RBFOX3: variants seen among roughly 807,000 people sequenced by gnomAD.
RBFOX3 encodes RNA binding fox-1 homolog 3.
Under a neutral mutation model 48.7 loss-of-function variants are expected in RBFOX3, and 17 were observed. The ratio of observed to expected loss-of-function variants is 0.35; its 90% CI spans 0.24 to 0.52. RBFOX3 has a LOEUF of 0.52. Ranked by LOEUF, RBFOX3 falls within the 20% of genes least tolerant of loss-of-function variation. The pLI is 0.94. For synonymous variants in RBFOX3, 212 were observed against 209.5 expected (o/e 1.01, Z -0.10); for missense variants, 382 against 497.5 (o/e 0.77, Z 2.21).
chr17:79,568,812 T>TCAC (rs1243754213), intron 1 of RBFOX3, among the ~76,000 whole-genome samples: 2 of 152,108 alleles, frequency 1.3e-5, no homozygotes, highest in Non-Finnish European at 2.9e-5. Context: ...TGTGTCCCAC[T>TCAC]CACCACCACC....
At chr17:79,616,555 A>G in the RBFOX3 span, among the ~76,000 whole-genome samples, 1 of 137,124 alleles carries the variant, frequency 7.3e-6, no homozygotes, top group Non-Finnish European at 1.6e-5. Context: ...AAAAAAAAGA[A>G]TGGATCTCTC....
rs1449396276 is a variant in RBFOX3 at position 79,471,760 on chromosome 17, C to T, written c.-175+10694G>A. On this transcript the variant is annotated intron_variant, in intron 2 of 14. Coordinates refer to ENST00000693108, the MANE Select transcript of RBFOX3 (RefSeq NM_001350451.2). This position sits in a 1 kb window ranked among gnomAD's most constrained non-coding sequence, Gnocchi z 4.0. The stretch of plus-strand genomic sequence containing the variant: ...AGGGCGTGTGCAGAGCCTGGGTGGA[C>T]GCAGGCAGGTTAGCTATCCCAGCCC... 3.3e-5 allele frequency among the ~76,000 whole-genome samples: 5 copies of T among 152,264 alleles called. No individual in the cohort carries two copies. Among genetic ancestry groups the T allele is most frequent in the East Asian group, 3.9e-4 (2 of 5,180 alleles).
Position 79,103,020 on chromosome 17 carries a change from G to T in RBFOX3, c.507+142C>A. On this transcript the variant is annotated intron_variant, in intron 8 of 14. Coordinates refer to ENST00000693108, the MANE Select transcript of RBFOX3 (RefSeq NM_001350451.2). This position sits in a 1 kb window ranked among gnomAD's most constrained non-coding sequence, Gnocchi z 6.1. ...CCGGCAGCTGAGCACCCTGGCCTTA[G>T]TGCGACCCTTCCTCCCACCCCAGGG... 1 of 653,938 alleles carries T rather than the reference G, an allele frequency of 1.5e-6. No homozygotes were observed. The allele number at this position is 653,938 out of a possible 1,614,324, so 40.5% of individuals were successfully genotyped here. A position where few individuals can be genotyped will look rare whatever the true frequency, so the allele number is the denominator to read the frequency against.
Position 79,286,792 on chromosome 17 carries a change from T to C in RBFOX3, c.-74+20932A>G, listed in dbSNP as rs142673976. 6.2e-3 allele frequency among the ~76,000 whole-genome samples: 938 copies of C among 152,246 alleles called. 6 individuals carry two copies. The highest frequency in any genetic ancestry group is 0.021 in the African/African-American group (881 of 41,540). Reference sequence around the variant, plus strand: ...AAGCTGGAGAGGGAGGTCCCACCCATAGACCTGCTCACTGAGGGAAGACGG... The same window carrying C: ...AAGCTGGAGAGGGAGGTCCCACCCACAGACCTGCTCACTGAGGGAAGACGG... On this transcript the variant is annotated intron_variant, in intron 3 of 14. Transcript: ENST00000693108.
intron 2 of RBFOX3, among the ~76,000 whole-genome samples, chr17:79,393,795 A>C (rs1256371063): frequency 6.7e-6 from 1 of 148,980 alleles, no homozygotes; most frequent in African/African-American, 2.5e-5. Context: ...GGTCATCATC[A>C]TGCACATCAT....
At chr17:79,225,687 C>T (rs1188776332) in intron 4 of RBFOX3, among the ~76,000 whole-genome samples, 1 of 152,204 alleles carries the variant, frequency 6.6e-6, no homozygotes, top group Non-Finnish European at 1.5e-5. Flanking sequence ...CCCACAGACC[C>T]CAGCTGGGTA....
At chr17:79,506,981 C>T (rs895659451) in intron 1 of RBFOX3, among the ~76,000 whole-genome samples, 1 of 152,204 alleles carries the variant, frequency 6.6e-6, no homozygotes, top group East Asian at 1.9e-4. Flanking sequence ...TGCGGGCTGG[C>T]AAGCATCTGC....
the RBFOX3 span, among the ~76,000 whole-genome samples, chr17:79,662,290 T>C: frequency 6.6e-6 from 1 of 151,798 alleles, no homozygotes; most frequent in Non-Finnish European, 1.5e-5. Context: ...ACCTGGCTAA[T>C]TTTTTGTATT....
At chr17:79,288,707 CT>C (rs1600436423) in intron 3 of RBFOX3, among the ~76,000 whole-genome samples, 1 of 152,268 alleles carries the variant, frequency 6.6e-6, no homozygotes, top group East Asian at 1.9e-4. Flanking sequence ...CACTGGTCTT[CT>C]CACCCCACAG....
At chr17:79,498,798 C>G (rs1555775952) in intron 1 of RBFOX3, among the ~76,000 whole-genome samples, 1 of 150,742 alleles carries the variant, frequency 6.6e-6, no homozygotes, top group Non-Finnish European at 1.5e-5. Context: ...CACTCACCCA[C>G]CCTTCCATCC....
intron 13 of RBFOX3, among the ~76,000 whole-genome samples, chr17:79,094,771 C>T (rs972516213): frequency 7.7e-5 from 6 of 77,958 alleles, no homozygotes; most frequent in South Asian, 3.5e-4. Flanking sequence ...CTGACCCTGA[C>T]GGGGTGGGGG....
chr17:79,513,875 G>A (rs906174602), intron 1 of RBFOX3, among the ~76,000 whole-genome samples: 10 of 152,136 alleles, frequency 6.6e-5, no homozygotes, highest in Non-Finnish European at 1.0e-4. Context: ...TGGCCTTCTG[G>A]GCCTGCCCCT....
chr17:79,318,799 G>A (rs1174431042), intron 2 of RBFOX3, among the ~76,000 whole-genome samples: 1 of 138,366 alleles, frequency 7.2e-6, no homozygotes, highest in Non-Finnish European at 1.5e-5. Context: ...AGTTTGCAGT[G>A]AGCCGAGATT....
chr17:79,661,211 C>T, the RBFOX3 span, among the ~76,000 whole-genome samples: 2 of 152,174 alleles, frequency 1.3e-5, no homozygotes, highest in Non-Finnish European at 2.9e-5. Context: ...GTGCAGCAAA[C>T]TACCACAGCA....
chr17:79,295,941 A>C (rs970159196), intron 3 of RBFOX3, among the ~76,000 whole-genome samples: 3 of 152,106 alleles, frequency 2.0e-5, no homozygotes, highest in African/African-American at 7.2e-5. Flanking sequence ...AGACTTAAAT[A>C]ATAGATGAGC....
chr17:79,557,293 C>A (rs1212317117), intron 1 of RBFOX3, among the ~76,000 whole-genome samples: 1 of 151,374 alleles, frequency 6.6e-6, no homozygotes, highest in African/African-American at 2.4e-5. Context: ...AGCAGGTAGC[C>A]TGGAATTCCA....
chr17:79,167,524 C>A (rs1252939999), intron 4 of RBFOX3, among the ~76,000 whole-genome samples: 7 of 152,174 alleles, frequency 4.6e-5, no homozygotes, highest in Non-Finnish European at 5.9e-5. Flanking sequence ...GGAGTCCTTT[C>A]CTGGCCATCA....
At chr17:79,417,187 G>A (rs56971699) in intron 2 of RBFOX3, among the ~76,000 whole-genome samples, 22,888 of 152,210 alleles carry the variant, frequency 0.15, 1,931 homozygotes, top group Non-Finnish European at 0.19. Flanking sequence ...GCCTGGGGGA[G>A]AGGAGAGAAG....
intron 2 of RBFOX3, among the ~76,000 whole-genome samples, chr17:79,476,249 C>A (rs1366319229): frequency 1.3e-5 from 2 of 152,236 alleles, no homozygotes; most frequent in Non-Finnish European, 2.9e-5. Context: ...CTAATGGGCT[C>A]TAATTGGGAG....
Sources: gnomAD v4.1 joint callset for allele counts (sites outside exome capture counted in the v4.1 genomes callset) on GRCh38, gnomAD v4.1.1 for gene constraint, Gnocchi (gnomAD v3.1) non-coding constraint, MANE v1.5 for transcripts, NCBI Gene and HGNC (gene_info 2026-07-23, HGNC 2026-07-21) for gene names.